ERC2: variants seen among roughly 807,000 people sequenced by gnomAD.
ERC2 encodes ELKS/RAB6-interacting/CAST family member 2.
ERC2 carries 42 observed loss-of-function variants against 114.8 expected under a neutral mutation model. The observed-to-expected ratio is 0.37, with a 90% CI of 0.29 to 0.47. The LOEUF is 0.47. Ranked by LOEUF, ERC2 falls within the 20% of genes least tolerant of loss-of-function variation. ERC2 has a pLI of 0.99. For missense variants in ERC2, 939 were observed against 1,150.7 expected (o/e 0.82, Z 2.66); for synonymous variants, 454 against 425.5 (o/e 1.07, Z -0.82).
intron 17 of ERC2, among the ~76,000 whole-genome samples, chr3:55,568,689 ATCCTGT>A (rs1182673343): frequency 6.6e-6 from 1 of 152,170 alleles, no homozygotes; most frequent in Non-Finnish European, 1.5e-5. Context: ...CTTTGCCCCC[ATCCTGT>A]TTATTCTCAC....
At chr3:55,880,400 T>G (rs1424201611) in intron 14 of ERC2, among the ~76,000 whole-genome samples, 2 of 152,234 alleles carry the variant, frequency 1.3e-5, no homozygotes, top group Non-Finnish European at 2.9e-5. Flanking sequence ...TTTTGTTGTT[T>G]TGTTTTGTTT....
intron 4 of ERC2, among the ~76,000 whole-genome samples, chr3:56,159,014 C>A (rs1317778739): frequency 6.6e-6 from 1 of 152,072 alleles, no homozygotes; most frequent in East Asian, 1.9e-4. Flanking sequence ...TGGTTTAGCA[C>A]CATATGCTGG....
intron 12 of ERC2, among the ~76,000 whole-genome samples, chr3:55,977,006 G>C (rs1262681359): frequency 6.6e-6 from 1 of 152,224 alleles, no homozygotes; most frequent in Non-Finnish European, 1.5e-5. Context: ...CACACAGAGA[G>C]AAGGCTCTAT....
At chr3:55,544,352 G>A (rs916083352) in intron 17 of ERC2, among the ~76,000 whole-genome samples, 1 of 152,214 alleles carries the variant, frequency 6.6e-6, no homozygotes, top group Non-Finnish European at 1.5e-5. Context: ...AGGCCTCAAC[G>A]ACAGCATTTT....
intron 7 of ERC2, among the ~76,000 whole-genome samples, chr3:56,080,499 A>G (rs911489466): frequency 5.3e-5 from 8 of 152,196 alleles, no homozygotes; most frequent in Non-Finnish European, 1.2e-4. Flanking sequence ...GCTAACTCTC[A>G]GGAAGAAAAA....
intron 4 of ERC2, among the ~76,000 whole-genome samples, chr3:56,158,513 G>GGAGA (rs747071173): frequency 5.9e-5 from 9 of 152,070 alleles, no homozygotes; most frequent in Non-Finnish European, 1.5e-5. Context: ...GGGAAGAGAT[G>GGAGA]GAGAGGCAAA....
chr3:55,698,933 C>G (rs76414466), intron 16 of ERC2, among the ~76,000 whole-genome samples: 4,880 of 152,138 alleles, frequency 0.032, 233 homozygotes, highest in African/African-American at 0.1. Context: ...GCAGGCAAAA[C>G]GGATTTCTCT....
At chr3:55,920,446 A>ACACACACACCCCCCC (rs57638674) in intron 13 of ERC2, among the ~76,000 whole-genome samples, 1 of 145,546 alleles carries the variant, frequency 6.9e-6, no homozygotes, top group African/African-American at 2.6e-5. Context: ...ACACACACAC[A>ACACACACACCCCCCC]CCCCAAGTGA....
intron 16 of ERC2, among the ~76,000 whole-genome samples, chr3:55,695,239 T>A (rs1163812193): frequency 6.6e-6 from 1 of 152,224 alleles, no homozygotes; most frequent in Non-Finnish European, 1.5e-5. Flanking sequence ...CTTTGGACTT[T>A]ATTGTTTCTC....
At chr3:56,446,111 GAAA>G (rs2062549774) in intron 1 of ERC2, among the ~76,000 whole-genome samples, 2 of 152,094 alleles carry the variant, frequency 1.3e-5, no homozygotes, top group Non-Finnish European at 2.9e-5. Context: ...TGGAAAATGT[GAAA>G]TCTTGTAGGT....
chr3:56,455,964 C>G (rs1186143049), intron 1 of ERC2, among the ~76,000 whole-genome samples: 1 of 152,104 alleles, frequency 6.6e-6, no homozygotes, highest in Non-Finnish European at 1.5e-5. Context: ...GCAAGAAGAC[C>G]CCCCCAGGAC....
At chr3:56,269,114 T>C (rs2053501211) in intron 3 of ERC2, among the ~76,000 whole-genome samples, 1 of 152,210 alleles carries the variant, frequency 6.6e-6, no homozygotes. Context: ...TGGCTAACGT[T>C]ATAAACATGC....
At chr3:55,866,358 A>G (rs2062314177) in intron 14 of ERC2, among the ~76,000 whole-genome samples, 2 of 152,166 alleles carry the variant, frequency 1.3e-5, no homozygotes, top group South Asian at 2.1e-4. Flanking sequence ...TAGAGGATAC[A>G]TATCCCTTAC....
intron 14 of ERC2, among the ~76,000 whole-genome samples, chr3:55,869,733 G>A (rs2062488529): frequency 6.6e-6 from 1 of 152,086 alleles, no homozygotes; most frequent in Admixed American, 6.5e-5. Context: ...TAGAGTGTGA[G>A]CTCGACTAGG....
At chr3:55,740,732 C>A (rs957011434) in intron 14 of ERC2, among the ~76,000 whole-genome samples, 3 of 152,104 alleles carry the variant, frequency 2.0e-5, no homozygotes, top group Non-Finnish European at 4.4e-5. Flanking sequence ...GCTAACAGAG[C>A]CATTGAATTT....
At chr3:55,690,527 A>G (rs188775723) in intron 16 of ERC2, among the ~76,000 whole-genome samples, 17 of 152,256 alleles carry the variant, frequency 1.1e-4, no homozygotes, top group African/African-American at 3.6e-4. Context: ...TAAGCTGGAG[A>G]GTGCAGGCTA....
rs75213313 is a variant in ERC2 at position 56,103,325 on chromosome 3, G to C, written c.1474-22341C>G. On this transcript the variant is annotated intron_variant, in intron 6 of 17. Coordinates refer to ENST00000288221, the MANE Select transcript of ERC2 (RefSeq NM_015576.3). The stretch of plus-strand genomic sequence containing the variant: ...TGAACTGGGCCATGTTATGGATTCT[G>C]GGTTTTATCTTGATGGCAATAGGAA... 6.6e-3 allele frequency among the ~76,000 whole-genome samples: 1,008 copies of C among 152,244 alleles called. 12 individuals are homozygous for C. Among genetic ancestry groups the C allele is most frequent in the African/African-American group, 0.022 (933 of 41,542 alleles).
At chr3:55,690,236 C>T (rs1400404154) in intron 16 of ERC2, among the ~76,000 whole-genome samples, 1 of 152,144 alleles carries the variant, frequency 6.6e-6, no homozygotes, top group African/African-American at 2.4e-5. Flanking sequence ...AGGATGCTTC[C>T]TACTCCCTTT....
At chr3:56,379,217 T>C (rs774665101) in intron 2 of ERC2, among the ~76,000 whole-genome samples, 20 of 152,158 alleles carry the variant, frequency 1.3e-4, no homozygotes, top group Non-Finnish European at 2.5e-4. Context: ...CTATTAAGTA[T>C]ACCATACTGG....
Sources: gnomAD v4.1 joint callset for allele counts (sites outside exome capture counted in the v4.1 genomes callset) on GRCh38, gnomAD v4.1.1 for gene constraint, MANE v1.5 for transcripts, NCBI Gene and HGNC (gene_info 2026-07-23, HGNC 2026-07-21) for gene names.